Variants in PTPRD observed in about 807,000 individuals in gnomAD.
PTPRD encodes the protein receptor-type tyrosine-protein phosphatase delta.
A neutral mutation model predicts 214.5 loss-of-function variants in PTPRD; 34 were observed. That is an observed-to-expected ratio of 0.16 (90% CI 0.12 to 0.21). PTPRD has a LOEUF of 0.21. Among genes scored for constraint, PTPRD ranks in the 10% least tolerant of loss-of-function variants. The pLI, the probability that PTPRD is intolerant of heterozygous loss-of-function variation, is 1.00. For synonymous variants in PTPRD, 1,128 were observed against 845.7 expected, an observed-to-expected ratio of 1.33 and a Z score of -5.79; for missense variants, 2,545 against 2,398.7, an observed-to-expected ratio of 1.06 and a Z score of -1.27.
intron 4 of PTPRD, among the ~76,000 whole-genome samples, chr9:9,978,144 A>G (rs2095423473): frequency 1.3e-5 from 2 of 151,918 alleles, no homozygotes. Context: ...TAACATATAA[A>G]TGTGTAAGAG....
At chr9:10,517,519 C>A (rs1566681059) in intron 2 of PTPRD, among the ~76,000 whole-genome samples, 1 of 151,912 alleles carries the variant, frequency 6.6e-6, no homozygotes, top group Non-Finnish European at 1.5e-5. Context: ...ATTTTTCCTT[C>A]ATAGATTATT....
intron 36 of PTPRD, among the ~76,000 whole-genome samples, chr9:8,395,445 C>T (rs1157510714): frequency 1.3e-5 from 2 of 151,474 alleles, no homozygotes; most frequent in Admixed American, 1.3e-4. Context: ...GGACACAGGC[C>T]TTTCCCCCGA....
chr9:10,308,739 T>C (rs780889998), intron 3 of PTPRD, among the ~76,000 whole-genome samples: 1 of 152,062 alleles, frequency 6.6e-6, no homozygotes, highest in African/African-American at 2.4e-5. Context: ...CTTTGATTAC[T>C]GGTATGCAGT....
chr9:9,521,120 A>C (rs544385924), intron 8 of PTPRD, among the ~76,000 whole-genome samples: 1 of 152,296 alleles, frequency 6.6e-6, no homozygotes, highest in East Asian at 1.9e-4. Context: ...TTTAAGAACT[A>C]AAGAGCCCAA....
chr9:8,794,681 A>G (rs1444526373), intron 11 of PTPRD, among the ~76,000 whole-genome samples: 1 of 152,052 alleles, frequency 6.6e-6, no homozygotes. Context: ...ACTTCCCCCT[A>G]AAATGAGAAA....
intron 5 of PTPRD, among the ~76,000 whole-genome samples, chr9:9,931,591 C>G (rs184777889): frequency 0.042 from 6,312 of 152,054 alleles, 144 homozygotes; most frequent in Non-Finnish European, 0.056. Context: ...CACGGAGTCT[C>G]GCTGATTGCT....
intron 4 of PTPRD, among the ~76,000 whole-genome samples, chr9:9,985,000 G>A (rs1295557168): frequency 6.6e-6 from 1 of 152,140 alleles, no homozygotes; most frequent in Non-Finnish European, 1.5e-5. Flanking sequence ...ATGCTTAAAG[G>A]AATTTCATTA....
At chr9:9,746,189 G>C (rs920760208) in intron 6 of PTPRD, among the ~76,000 whole-genome samples, 2 of 152,016 alleles carry the variant, frequency 1.3e-5, no homozygotes, top group African/African-American at 4.8e-5. Flanking sequence ...ATTCTTAAGA[G>C]GTATGTTGTG....
At chr9:10,518,427 G>A (rs533681340) in intron 2 of PTPRD, among the ~76,000 whole-genome samples, 18 of 152,086 alleles carry the variant, frequency 1.2e-4, no homozygotes, top group Non-Finnish European at 2.1e-4. Context: ...TCAGTCCAGT[G>A]GAAATTGAGT....
intron 3 of PTPRD, among the ~76,000 whole-genome samples, chr9:10,201,319 A>C (rs147133576): frequency 6.6e-6 from 1 of 152,084 alleles, no homozygotes; most frequent in African/African-American, 2.4e-5. Flanking sequence ...TAGTTATGGC[A>C]TTAGTTATAA....
intron 9 of PTPRD, among the ~76,000 whole-genome samples, chr9:9,394,731 C>G (rs944952457): frequency 1.3e-5 from 2 of 151,844 alleles, no homozygotes; most frequent in African/African-American, 2.4e-5. Context: ...ATTTAAAGAA[C>G]GGGAATATGT....
chr9:10,083,807 T>C (rs1010086643), intron 3 of PTPRD, among the ~76,000 whole-genome samples: 1 of 151,964 alleles, frequency 6.6e-6, no homozygotes, highest in Non-Finnish European at 1.5e-5. Flanking sequence ...CAGTTTACAA[T>C]AGAGTTCATG....
intron 2 of PTPRD, among the ~76,000 whole-genome samples, chr9:10,515,441 G>A (rs905217445): frequency 6.6e-6 from 1 of 151,940 alleles, no homozygotes; most frequent in South Asian, 2.1e-4. Flanking sequence ...ACTATTGCTA[G>A]CTTGAAGAAC....
intron 3 of PTPRD, among the ~76,000 whole-genome samples, chr9:10,048,113 G>A (rs920974700): frequency 3.9e-5 from 6 of 152,250 alleles, no homozygotes; most frequent in Admixed American, 1.3e-4. Flanking sequence ...GGTTTCCTAC[G>A]TGAGACAGAT....
intron 2 of PTPRD, among the ~76,000 whole-genome samples, chr9:10,435,944 G>C (rs2098714290): frequency 1.3e-5 from 2 of 151,606 alleles, no homozygotes; most frequent in Admixed American, 1.3e-4. Flanking sequence ...ACCTATTTTT[G>C]TGTTTCAAAA....
At chr9:10,508,641 T>C (rs2046904532) in intron 2 of PTPRD, among the ~76,000 whole-genome samples, 1 of 152,170 alleles carries the variant, frequency 6.6e-6, no homozygotes, top group South Asian at 2.1e-4. Context: ...TGATGTCCTT[T>C]GTAGGGACAT....
At chr9:8,772,905 A>T in intron 11 of PTPRD, among the ~76,000 whole-genome samples, 1 of 152,178 alleles carries the variant, frequency 6.6e-6, no homozygotes, top group East Asian at 1.9e-4. Context: ...ATTCTTGGAA[A>T]CATTTTGATA....
intron 10 of PTPRD, among the ~76,000 whole-genome samples, chr9:9,081,328 G>A (rs185276895): frequency 6.6e-6 from 1 of 152,240 alleles, no homozygotes; most frequent in South Asian, 2.1e-4. Context: ...TTAATCTTGA[G>A]TTCTAATTTG....
chr9:9,129,996 G>A (rs1232609624), intron 10 of PTPRD, among the ~76,000 whole-genome samples: 1 of 152,070 alleles, frequency 6.6e-6, no homozygotes, highest in Admixed American at 6.5e-5. Flanking sequence ...GATATATTAA[G>A]CACTTAAGAG....
Sources: allele counts gnomAD v4.1 joint callset (sites outside exome capture counted in the v4.1 genomes callset), GRCh38; gene constraint gnomAD v4.1.1; transcripts MANE v1.5; gene names NCBI Gene and HGNC (gene_info 2026-07-23, HGNC 2026-07-21).